The following KRI1 variants were observed in gnomAD, a reference collection of about 807,000 sequenced individuals.
KRI1 encodes KRI1 homolog, also known as protein KRI1 homolog.
Under a neutral mutation model 97.0 loss-of-function variants are expected in KRI1, and 83 were observed. The ratio of observed to expected loss-of-function variants is 0.86; its 90% CI spans 0.72 to 1.03. The LOEUF (loss-of-function observed/expected upper bound fraction) is 1.03. Ranked by LOEUF, KRI1 falls within the 50% of genes least tolerant of loss-of-function variation. The probability of loss-of-function intolerance (pLI) is 0.00; values close to 1 mark genes in which losing one functional copy is unlikely to be tolerated. For missense variants in KRI1, 916 were observed against 928.4 expected (o/e 0.99, Z 0.17); for synonymous variants, 371 against 363.5 (o/e 1.02, Z -0.23).
intron 9 of KRI1, 34 bp downstream of exon 9, chr19:10,560,277 CA>C: frequency 6.4e-7 from 1 of 1,559,634 alleles, no homozygotes; most frequent in South Asian, 1.2e-5. Flanking sequence ...GAAGCGCACC[CA>C]AAATCTAGGT....
At chr19:10,554,943 G>A in intron 18 of KRI1, 144 bp downstream of exon 18, 1 of 624,182 alleles carries the variant, frequency 1.6e-6, no homozygotes, top group Non-Finnish European at 2.8e-6. Context: ...CACAACGTTG[G>A]TGCCCATATA....
chr19:10,558,133 A>C (rs146164594), intron 13 of KRI1, 31 bp downstream of exon 13: 3 of 1,613,452 alleles, frequency 1.9e-6, no homozygotes, highest in Non-Finnish European at 2.5e-6. Flanking sequence ...CCAGTCCCCA[A>C]TCCCCAGCCC....
At position 10,553,158 on chromosome 19, in the gene KRI1, G is replaced by A; in HGVS notation, c.*793C>T. ...GATCTTGAGCTCTGGCAGTGATGATGGTACTTCCTGTTGTCAGCCCCTCAA... is the reference window on the plus strand; with the variant it reads ...GATCTTGAGCTCTGGCAGTGATGATAGTACTTCCTGTTGTCAGCCCCTCAA... On this transcript the variant is annotated 3_prime_UTR_variant, in exon 19 of 19. Coordinates refer to ENST00000312962, the MANE Select transcript of KRI1 (RefSeq NM_023008.5). The A allele has an allele frequency of 2.8e-6, 4 of 1,419,272 alleles. No individual in the cohort carries two copies. The highest frequency in any genetic ancestry group is 1.4e-5 in the South Asian group (1 of 71,976). 87.9% of individuals were successfully genotyped at this position (1,419,272 alleles called of 1,614,324 possible).
chr19:10,561,418 C>A lies in KRI1; in HGVS notation c.489-153G>T, dbSNP rs180996326. Among the ~76,000 whole-genome samples the A allele has an allele frequency of 1.4e-3, 219 of 152,226 alleles. 1 individual carries two copies. The highest frequency in any genetic ancestry group is 1.0e-3 in the Non-Finnish European group (68 of 68,036). ...CAAGTGATCCTCCCTCCTCTGCCCA[C>A]CAAAGCCCTGAGATTACAGGCATGA... On this transcript the variant is annotated intron_variant, in intron 6 of 18. Transcript: ENST00000312962.
intron 12 of KRI1, 88 bp downstream of exon 12, chr19:10,559,271 C>T (rs1916614479): frequency 2.1e-6 from 3 of 1,447,480 alleles, no homozygotes; most frequent in African/African-American, 1.4e-5. Flanking sequence ...TCCCAAAGTG[C>T]TGGGATTACA....
At position 10,553,945 on chromosome 19, in the gene KRI1, T is replaced by G. The variant is rs1211237948; in HGVS notation, c.*6A>C. ...GAGCCTGAGGCCCCTGCCTGCTCCC[T>G]GGTGCTCAGGAGCTGTTCTTGGGCC... On this transcript the variant is annotated 3_prime_UTR_variant, in exon 19 of 19. Coordinates refer to ENST00000312962, the MANE Select transcript of KRI1 (RefSeq NM_023008.5). 1 of 1,582,720 alleles carries G rather than the reference T, an allele frequency of 6.3e-7. No homozygotes were observed. Among genetic ancestry groups the G allele is most frequent in the East Asian group, 2.3e-5 (1 of 44,444 alleles).
chr19:10,560,248 C>A, intron 9 of KRI1, 64 bp downstream of exon 9: 3 of 1,509,274 alleles, frequency 2.0e-6, no homozygotes, highest in East Asian at 4.7e-5. Context: ...CTGGCCAGTG[C>A]CGCCTGGGAA....
At chr19:10,562,928 G>C (rs1473510711) in intron 3 of KRI1, 91 bp from the exon 4 acceptor site, 1 of 786,264 alleles carries the variant, frequency 1.3e-6, no homozygotes, top group Non-Finnish European at 2.2e-6. Flanking sequence ...GGGTTAGACA[G>C]AGGATTCAAA....
chr19:10,554,285 A>T lies in KRI1; in HGVS notation c.1782-4T>A, dbSNP rs1916423180. On this transcript the variant is annotated splice_region_variant and splice_polypyrimidine_tract_variant and intron_variant, in intron 18 of 18. Transcript: ENST00000312962. ...GGCTTCCGCAGGTGTCTCTGCCCTG[A>T]GGGAGAAAAGTCAGGGCTCAGCCCA... 6.2e-7 allele frequency: 1 copy of T among 1,612,882 alleles called. No homozygotes were observed. The highest frequency in any genetic ancestry group is 1.3e-5 in the African/African-American group (1 of 74,884).
At position 10,553,366 on chromosome 19, in the gene KRI1, G is replaced by GC. The variant is rs144460885; in HGVS notation, c.*584dup. On this transcript the variant is annotated 3_prime_UTR_variant, in exon 19 of 19. Transcript: ENST00000312962. Reference sequence around the variant, plus strand: ...ACGCCCGGGCCCTCCCTGTCCCAAAGCCCCCTTGGGGGAACTGTGGCTGCT... The same window carrying GC: ...ACGCCCGGGCCCTCCCTGTCCCAAAGCCCCCCTTGGGGGAACTGTGGCTGCT... 1.2e-3 allele frequency: 390 copies of GC among 314,520 alleles called. 2 individuals are homozygous for GC. The highest frequency in any genetic ancestry group is 7.6e-3 in the African/African-American group (367 of 48,020). 19.5% of individuals were successfully genotyped at this position (314,520 alleles called of 1,614,324 possible). A position where few individuals can be genotyped will look rare whatever the true frequency, so the allele number is the denominator to read the frequency against.
chr19:10,557,326 C>T (rs530305089), intron 16 of KRI1, among the ~76,000 whole-genome samples: 33 of 152,106 alleles, frequency 2.2e-4, no homozygotes, highest in African/African-American at 7.2e-4. Context: ...AGGCTGGTCT[C>T]GAACTCCTGA....
chr19:10,556,993 GTAAT>G (rs1356566186), intron 16 of KRI1, among the ~76,000 whole-genome samples: 2 of 151,930 alleles, frequency 1.3e-5, no homozygotes, highest in Non-Finnish European at 2.9e-5. Flanking sequence ...AAAAAAAGAA[GTAAT>G]ATTTACGGGG....
intron 8 of KRI1, 39 bp from the exon 9 acceptor site, chr19:10,560,487 A>C: frequency 6.7e-7 from 1 of 1,497,548 alleles, no homozygotes; most frequent in South Asian, 1.2e-5. Flanking sequence ...TCAATGGAGG[A>C]CAGGGAAGGA....
In KRI1 at chr19:10,557,808, C is replaced by G; in HGVS notation, c.1447G>C (p.Ala483Pro). 1 of 1,613,400 alleles carries G rather than the reference C, an allele frequency of 6.2e-7. No individual in the cohort carries two copies. The highest frequency in any genetic ancestry group is 1.1e-5 in the South Asian group (1 of 91,076). Residue 483 changes from alanine (A) to proline (P), a missense_variant, in exon 15 of 19, where the codon GCC becomes CCC. Transcript: ENST00000312962. ...GGCTTCTCCTGCCCCACGGCCGCGG[C>G]GAAGGGCGACTTGCGCTTCTTCTTG... is the stretch of plus-strand genomic sequence containing the variant. ...TGKKKRKSPF[A>P]AAVGQEKPVF... is the part of the protein sequence containing the mutation.
intron 12 of KRI1, among the ~76,000 whole-genome samples, chr19:10,558,547 C>CT (rs1182568016): frequency 4.6e-4 from 67 of 146,260 alleles, no homozygotes; most frequent in East Asian, 8.0e-4. Flanking sequence ...GGCCCCAGGT[C>CT]TTTTTTTTTT....
Position 10,558,009 on chromosome 19 carries a change from C to A in KRI1, c.1322G>T (p.Ser441Ile), listed in dbSNP as rs1430720324. Reference sequence around the variant, plus strand: ...GTCCTCACAGTGCAGCTCCTGCTGGCTCCAGTCTCCCTCCTGCTCAGGCCC... The same window carrying A: ...GTCCTCACAGTGCAGCTCCTGCTGGATCCAGTCTCCCTCCTGCTCAGGCCC... ...WDGPEQEGDW[S>I]QQELHCEDPN... The change falls in exon 14 of 19, where the codon AGC (serine) becomes ATC (isoleucine). Residue 441 changes from serine to isoleucine, a missense_variant. Physicochemically the swap from Ser to Ile is moderately radical, Grantham distance 142 (BLOSUM62 -2). This residue lies in a region of KRI1 where 672 missense variants were observed against 667.2 expected (regional missense o/e 1.01). Coordinates refer to ENST00000312962, the MANE Select transcript of KRI1 (RefSeq NM_023008.5). 6.2e-7 allele frequency: 1 copy of A among 1,613,990 alleles called. No individual in the cohort carries two copies. The highest frequency in any genetic ancestry group is 1.1e-5 in the South Asian group (1 of 91,086).
At position 10,561,028 on chromosome 19, in the gene KRI1, C is replaced by T. The variant is rs751432212; in HGVS notation, c.638G>A (p.Arg213Gln). The change falls in exon 8 of 19, where the codon CGG (arginine) becomes CAG (glutamine). Residue 213 changes from arginine to glutamine, a missense_variant. By Grantham distance (43) the Arg-to-Gln change is conservative. This residue lies in a region of KRI1 where 672 missense variants were observed against 667.2 expected (regional missense o/e 1.01). Transcript: ENST00000312962. ...IEWLKGQKEIRNPDSLKELTH... is the reference protein window; with the variant it reads ...IEWLKGQKEIQNPDSLKELTH... ...CAGTTCCTTCAGGGAATCTGGGTTC[C>T]GAATCTCTTTCTGTCCCTTCAGCCA... The T allele has an allele frequency of 3.1e-6, 5 of 1,614,022 alleles. No individual in the cohort carries two copies. The highest frequency in any genetic ancestry group is 1.6e-4 in the Middle Eastern group (1 of 6,084).
chr19:10,561,389 G>GA, intron 6 of KRI1, 124 bp from the exon 7 acceptor site: 1 of 926,780 alleles, frequency 1.1e-6, no homozygotes, highest in Non-Finnish European at 1.7e-6. Flanking sequence ...TGAACTCCTG[G>GA]GCTCAAGTGA....
Position 10,557,860 on chromosome 19 carries a change from C to T in KRI1, c.1395G>A (p.Lys465=). 1 of 1,613,666 alleles carries T rather than the reference C, an allele frequency of 6.2e-7. No individual in the cohort carries two copies. Among genetic ancestry groups the T allele is most frequent in the Non-Finnish European group, 8.5e-7 (1 of 1,179,956 alleles). ...CCGTCAAGGGGGCCTCGCGCTTTTT[C>T]TTCCTCGGCTGGCTGGGGTCGTAGT... ...DADYDPSQPR[K]KKREAPLTGK... The change falls in exon 15 of 19, where the codon AAG becomes AAA. Residue 465 remains lysine, a synonymous_variant. Transcript: ENST00000312962.
Sources: gnomAD v4.1 joint callset for allele counts (sites outside exome capture counted in the v4.1 genomes callset) on GRCh38, gnomAD v4.1.1 for gene constraint, gnomAD v4.1.1 regional missense constraint, MANE v1.5 for transcripts, NCBI Gene and HGNC (gene_info 2026-07-23, HGNC 2026-07-21) for gene names.